The following CLCN3 variants were observed in gnomAD, a reference collection of about 807,000 sequenced individuals.
CLCN3 encodes H(+)/Cl(-) exchange transporter 3.
Under a neutral mutation model 83.4 loss-of-function variants are expected in CLCN3, and 16 were observed. The observed-to-expected ratio is 0.19, with a 90% CI of 0.13 to 0.29. The LOEUF (loss-of-function observed/expected upper bound fraction) is 0.29, where lower values mean the gene tolerates loss of function less well. Ranked by LOEUF, CLCN3 falls within the 10% of genes least tolerant of loss-of-function variation. CLCN3 has a pLI of 1.00. For missense variants in CLCN3, 544 were observed against 1,006.0 expected (o/e 0.54, Z 6.21); for synonymous variants, 322 against 346.2 (o/e 0.93, Z 0.78).
Position 169,680,085 on chromosome 4 carries a change from A to C in CLCN3, c.196A>C (p.Asn66His). ...HYTMTNGGSI[N>H]SSTHLLDLLD... is the part of the protein sequence containing the mutation. ...TACAATGACAAATGGAGGCAGCATT[A>C]ACAGTTCTACACATTTACTGGATCT... is the stretch of plus-strand genomic sequence containing the variant. The change falls in exon 3 of 13, where the codon AAC becomes CAC. Residue 66 changes from asparagine (N) to histidine (H), a missense_variant. Asn to His is a moderately conservative substitution (Grantham distance 68). Coordinates refer to ENST00000513761, the MANE Select transcript of CLCN3 (RefSeq NM_001829.4). The C allele has an allele frequency of 1.9e-6, 3 of 1,612,360 alleles. No homozygotes were observed. Among genetic ancestry groups the C allele is most frequent in the Non-Finnish European group, 2.5e-6 (3 of 1,178,402 alleles).
chr4:169,659,869 T>C (rs889340708), intron 2 of CLCN3, among the ~76,000 whole-genome samples: 1 of 152,200 alleles, frequency 6.6e-6, no homozygotes, highest in African/African-American at 2.4e-5. Flanking sequence ...ACTAGAGTGC[T>C]GCTCTCATTT....
intron 7 of CLCN3, among the ~76,000 whole-genome samples, chr4:169,693,186 T>A (rs943861881): frequency 2.0e-5 from 3 of 152,230 alleles, no homozygotes; most frequent in Admixed American, 2.0e-4. Flanking sequence ...TATCAAACTG[T>A]TTAATCTTCA....
At chr4:169,654,678 A>G (rs1362208394) in intron 2 of CLCN3, among the ~76,000 whole-genome samples, 1 of 152,166 alleles carries the variant, frequency 6.6e-6, no homozygotes, top group East Asian at 1.9e-4. Flanking sequence ...GCTGTTTTTA[A>G]TTATTTATAA....
At chr4:169,719,884 A>G (rs779873441) in intron 12 of CLCN3, 23 bp from the exon 13 acceptor site, 2 of 1,578,772 alleles carry the variant, frequency 1.3e-6, no homozygotes, top group East Asian at 2.2e-5. Context: ...ATTTCATAGG[A>G]GTCTTCTGTT....
chr4:169,686,842 A>G (rs1232010920), intron 3 of CLCN3, among the ~76,000 whole-genome samples: 1 of 152,198 alleles, frequency 6.6e-6, no homozygotes, highest in Non-Finnish European at 1.5e-5. Context: ...GTTTTAGTAT[A>G]GTGAGATCTG....
chr4:169,699,244 A>T (rs1376125956), intron 9 of CLCN3, among the ~76,000 whole-genome samples: 1 of 152,178 alleles, frequency 6.6e-6, no homozygotes, highest in East Asian at 1.9e-4. Context: ...GCCTTTTTCC[A>T]TCAAGAAATT....
At chr4:169,690,830 A>G (rs2270863) in intron 6 of CLCN3, among the ~76,000 whole-genome samples, 178 bp downstream of exon 6, 68,606 of 151,890 alleles carry the variant, frequency 0.45, 17,772 homozygotes, top group East Asian at 0.76. Flanking sequence ...TGTTCCCCAT[A>G]GTCATTTGGT....
intron 2 of CLCN3, among the ~76,000 whole-genome samples, chr4:169,648,522 T>C (rs148143936): frequency 7.9e-4 from 121 of 152,316 alleles, no homozygotes; most frequent in African/African-American, 2.8e-3. Context: ...TGGATATGTC[T>C]TTTTCTAGAC....
intron 3 of CLCN3, among the ~76,000 whole-genome samples, chr4:169,682,579 C>T (rs1731987225): frequency 6.6e-6 from 1 of 152,166 alleles, no homozygotes; most frequent in Non-Finnish European, 1.5e-5. Flanking sequence ...GACATAACTT[C>T]ATACATACTT....
intron 2 of CLCN3, chr4:169,660,003 C>T: frequency 1.1e-6 from 1 of 941,886 alleles, no homozygotes; most frequent in South Asian, 4.9e-5. Context: ...TATTGTTTTA[C>T]TGTAGTTACC....
At chr4:169,657,102 T>C (rs1485167794) in intron 2 of CLCN3, among the ~76,000 whole-genome samples, 1 of 152,180 alleles carries the variant, frequency 6.6e-6, no homozygotes, top group African/African-American at 2.4e-5. Flanking sequence ...CCCTCAATTA[T>C]GTTGTAATCT....
intron 2 of CLCN3, among the ~76,000 whole-genome samples, chr4:169,656,278 G>A (rs1730881573): frequency 6.6e-6 from 1 of 152,206 alleles, no homozygotes; most frequent in Non-Finnish European, 1.5e-5. Flanking sequence ...GCGAAGCATA[G>A]CGTCTTCTGG....
intron 2 of CLCN3, among the ~76,000 whole-genome samples, chr4:169,647,105 G>T (rs897889639): frequency 1.3e-5 from 2 of 152,118 alleles, no homozygotes; most frequent in Non-Finnish European, 2.9e-5. Flanking sequence ...TATATGGTTG[G>T]CTGGGCGTGG....
intron 3 of CLCN3, among the ~76,000 whole-genome samples, chr4:169,686,526 C>T (rs1732164826): frequency 6.6e-6 from 1 of 151,872 alleles, no homozygotes; most frequent in Non-Finnish European, 1.5e-5. Context: ...AAGTGATTCT[C>T]CTGCCTCAGC....
At chr4:169,679,513 T>G (rs986556196) in intron 2 of CLCN3, among the ~76,000 whole-genome samples, 3 of 152,052 alleles carry the variant, frequency 2.0e-5, no homozygotes, top group Non-Finnish European at 2.9e-5. Context: ...GGCTGCAATC[T>G]CAGCACTTTG....
chr4:169,667,931 G>A (rs1389914654), intron 2 of CLCN3, among the ~76,000 whole-genome samples: 1 of 151,172 alleles, frequency 6.6e-6, no homozygotes, highest in East Asian at 1.9e-4. Context: ...AGTAGAGATG[G>A]GGTTTCACCA....
chr4:169,706,824 G>A, intron 10 of CLCN3, 44 bp from the exon 11 acceptor site: 1 of 1,528,222 alleles, frequency 6.5e-7, no homozygotes, highest in Non-Finnish European at 8.9e-7. Context: ...ATGTAATGAT[G>A]AGGATCCTGT....
At chr4:169,692,346 A>G in intron 7 of CLCN3, 26 bp downstream of exon 7, 1 of 1,223,146 alleles carries the variant, frequency 8.2e-7, no homozygotes, top group Non-Finnish European at 1.2e-6. Context: ...AGTTAATTTG[A>G]CTGAAAAATA....
At chr4:169,651,895 A>T (rs1428666806) in intron 2 of CLCN3, among the ~76,000 whole-genome samples, 1 of 152,168 alleles carries the variant, frequency 6.6e-6, no homozygotes, top group African/African-American at 2.4e-5. Context: ...GTCAGTTTAG[A>T]TGCTTATGAA....
Sources: gnomAD v4.1 joint callset for allele counts (sites outside exome capture counted in the v4.1 genomes callset) on GRCh38, gnomAD v4.1.1 for gene constraint, MANE v1.5 for transcripts, NCBI Gene and HGNC (gene_info 2026-07-23, HGNC 2026-07-21) for gene names.